ATP2B4: variants seen among roughly 807,000 people sequenced by gnomAD.
ATP2B4 encodes ATPase plasma membrane Ca2+ transporting 4.
Under a neutral mutation model 110.3 loss-of-function variants are expected in ATP2B4, and 39 were observed. The ratio of observed to expected loss-of-function variants is 0.35; its 90% CI spans 0.27 to 0.46. The LOEUF (loss-of-function observed/expected upper bound fraction) is 0.46, where lower values mean the gene tolerates loss of function less well. Among genes scored for constraint, ATP2B4 ranks in the 20% least tolerant of loss-of-function variants. The pLI is 1.00. For synonymous variants in ATP2B4, 538 were observed against 571.7 expected (o/e 0.94, Z 0.84); for missense variants, 1,135 against 1,530.9 (o/e 0.74, Z 4.32).
rs551995253 is a variant in ATP2B4 at position 203,688,271 on chromosome 1, G to A, written c.193+4873G>A. Among the ~76,000 whole-genome samples the A allele has an allele frequency of 6.1e-4, 91 of 149,374 alleles. 2 individuals are homozygous for A. The South Asian group carries it at 0.018, about 29-fold the overall frequency. On this transcript the variant is annotated intron_variant, in intron 2 of 20. Transcript: ENST00000357681. ...AGTGCTGGGATTACAGGCATGAGCCGCCACTGACCCAATGTTTTTTTGTTG... is the reference window on the plus strand; with the variant it reads ...AGTGCTGGGATTACAGGCATGAGCCACCACTGACCCAATGTTTTTTTGTTG...
Position 203,721,382 on chromosome 1 carries a change from C to T in ATP2B4, c.2784C>T (p.Leu928=). 1.2e-6 allele frequency: 2 copies of T among 1,614,116 alleles called. No individual in the cohort carries two copies. Among genetic ancestry groups the T allele is most frequent in the South Asian group, 1.1e-5 (1 of 91,066 alleles). Residue 928 remains leucine (L), a synonymous_variant, in exon 17 of 21, where the codon CTC becomes CTT. Transcript: ENST00000357681. The part of the protein sequence containing the change: ...KNILGHAFYQ[L]IVIFILVFAG... The stretch of plus-strand genomic sequence containing the variant: ...TCTTGGGCCATGCATTCTATCAGCT[C>T]ATTGTCATCTTTATCCTTGTCTTTG...
intron 20 of ATP2B4, among the ~76,000 whole-genome samples, chr1:203,735,369 G>C (rs1666852885): frequency 6.6e-6 from 1 of 152,206 alleles, no homozygotes; most frequent in South Asian, 2.1e-4. Flanking sequence ...TCAGAGAGGA[G>C]AGAGAAGGTA....
chr1:203,690,187 C>A (rs545496900), intron 2 of ATP2B4, among the ~76,000 whole-genome samples: 2 of 152,228 alleles, frequency 1.3e-5, no homozygotes, highest in Non-Finnish European at 2.9e-5. Context: ...AACTGTGTTC[C>A]CGTCACTGTG....
chr1:203,678,766 G>C (rs1664908135), intron 1 of ATP2B4, among the ~76,000 whole-genome samples: 1 of 152,120 alleles, frequency 6.6e-6, no homozygotes. Context: ...TTAGGCTCAA[G>C]AGAAGGAGCA....
intron 2 of ATP2B4, among the ~76,000 whole-genome samples, chr1:203,685,299 TC>T (rs1251931882): frequency 2.0e-5 from 3 of 152,264 alleles, no homozygotes; most frequent in South Asian, 4.1e-4. Context: ...ACTTGCTTTT[TC>T]ACTTTAGTCT....
At chr1:203,666,776 C>T (rs1664516616) in intron 1 of ATP2B4, among the ~76,000 whole-genome samples, 1 of 152,204 alleles carries the variant, frequency 6.6e-6, no homozygotes, top group South Asian at 2.1e-4. Flanking sequence ...GCTCTTGAAA[C>T]TATTCCCTTA....
chr1:203,685,321 T>C (rs951771003), intron 2 of ATP2B4, among the ~76,000 whole-genome samples: 19 of 152,236 alleles, frequency 1.2e-4, no homozygotes, highest in African/African-American at 3.9e-4. Context: ...GGTTTTAGCA[T>C]CTCTGTAGCA....
chr1:203,696,517 C>G (rs1558038087), intron 2 of ATP2B4, among the ~76,000 whole-genome samples: 1 of 152,164 alleles, frequency 6.6e-6, no homozygotes, highest in Non-Finnish European at 1.5e-5. Flanking sequence ...TCTGGGAAAC[C>G]CTTCAAACCG....
At chr1:203,669,541 A>G (rs1175656249) in intron 1 of ATP2B4, among the ~76,000 whole-genome samples, 1 of 151,970 alleles carries the variant, frequency 6.6e-6, no homozygotes, top group Non-Finnish European at 1.5e-5. Flanking sequence ...GGTTCAAGCG[A>G]TTCTCCTACC....
intron 20 of ATP2B4, among the ~76,000 whole-genome samples, chr1:203,733,834 G>C (rs1666803585): frequency 6.6e-6 from 1 of 152,148 alleles, no homozygotes; most frequent in Non-Finnish European, 1.5e-5. Flanking sequence ...AAACCCAAGA[G>C]CTTTCTTTAC....
At chr1:203,627,568 G>GC (rs1436458600) in intron 1 of ATP2B4, among the ~76,000 whole-genome samples, 2 of 151,560 alleles carry the variant, frequency 1.3e-5, no homozygotes, top group Non-Finnish European at 2.9e-5. Context: ...TTCCGTTCCT[G>GC]CCCTCCCCTT....
At chr1:203,714,339 G>T in intron 15 of ATP2B4, 62 bp downstream of exon 15, 3 of 1,585,022 alleles carry the variant, frequency 1.9e-6, no homozygotes, top group South Asian at 2.2e-5. Flanking sequence ...AGCCAGGTCC[G>T]GCTTCTGGTT....
At chr1:203,670,671 G>A (rs1444830947) in intron 1 of ATP2B4, among the ~76,000 whole-genome samples, 2 of 152,180 alleles carry the variant, frequency 1.3e-5, no homozygotes, top group East Asian at 3.9e-4. Context: ...TGGTTTGACA[G>A]GTTTAGAAGT....
intron 20 of ATP2B4, among the ~76,000 whole-genome samples, chr1:203,728,779 C>G (rs1027399221): frequency 6.6e-6 from 1 of 151,970 alleles, no homozygotes; most frequent in Non-Finnish European, 1.5e-5. Context: ...ATTACTTGAA[C>G]CCGGGAGGCA....
chr1:203,685,627 CCCTA>C (rs1200834075), intron 2 of ATP2B4, among the ~76,000 whole-genome samples: 2 of 152,156 alleles, frequency 1.3e-5, no homozygotes, highest in African/African-American at 4.8e-5. Flanking sequence ...AAGGGAGCTT[CCCTA>C]CCTGTTTTCT....
At chr1:203,703,067 G>T (rs1189742695) in intron 7 of ATP2B4, among the ~76,000 whole-genome samples, 1 of 151,996 alleles carries the variant, frequency 6.6e-6, no homozygotes, top group Non-Finnish European at 1.5e-5. Flanking sequence ...CCTTTGTCAG[G>T]CAGGGAAGAA....
chr1:203,724,877 T>TTTTTTTTTTTTTTTTTTTG (rs1666460799), intron 19 of ATP2B4, among the ~76,000 whole-genome samples: 1 of 142,690 alleles, frequency 7.0e-6, no homozygotes, highest in Non-Finnish European at 1.5e-5. Flanking sequence ...GTTTTTTTTT[T>TTTTTTTTTTTTTTTTTTTG]TTTTTTTTTT....
intron 20 of ATP2B4, among the ~76,000 whole-genome samples, chr1:203,737,011 T>C (rs75493185): frequency 1.3e-5 from 2 of 152,280 alleles, no homozygotes; most frequent in East Asian, 3.9e-4. Flanking sequence ...CCCTTTAGAT[T>C]CCAGAAGTCC....
intron 1 of ATP2B4, among the ~76,000 whole-genome samples, chr1:203,677,951 A>T (rs763807919): frequency 6.6e-6 from 1 of 152,202 alleles, no homozygotes; most frequent in Non-Finnish European, 1.5e-5. Flanking sequence ...TCGGGGAAGG[A>T]CAGAGTAGGG....
Sources: allele counts gnomAD v4.1 joint callset (sites outside exome capture counted in the v4.1 genomes callset), GRCh38; gene constraint gnomAD v4.1.1; transcripts MANE v1.5; gene names NCBI Gene and HGNC (gene_info 2026-07-23, HGNC 2026-07-21).